SSUH2: variants seen among roughly 807,000 people sequenced by gnomAD.
SSUH2 encodes protein SSUH2 homolog.
Under a neutral mutation model 55.3 loss-of-function variants are expected in SSUH2, and 47 were observed. That is an observed-to-expected ratio of 0.85 (90% CI 0.67 to 1.08). SSUH2 has a LOEUF of 1.08. SSUH2 is among the 50% of genes least tolerant of loss of function. SSUH2 has a pLI of 0.00. For missense variants in SSUH2, 535 were observed against 490.7 expected, an observed-to-expected ratio of 1.09 and a Z score of -0.85; for synonymous variants, 212 against 191.5, an observed-to-expected ratio of 1.11 and a Z score of -0.89.
intron 3 of SSUH2, among the ~76,000 whole-genome samples, chr3:8,672,222 A>G (rs1704662040): frequency 6.6e-6 from 1 of 151,930 alleles, no homozygotes; most frequent in Admixed American, 6.6e-5. Context: ...GGTGGTGTAC[A>G]CTTTCTGCGC....
chr3:8,647,897 T>C (rs754246506), upstream of SSUH2, among the ~76,000 whole-genome samples: 13 of 152,164 alleles, frequency 8.5e-5, no homozygotes, highest in Non-Finnish European at 1.6e-4. Context: ...ATGGCAGGAA[T>C]CAAGTATGGA....
intron 6 of SSUH2, among the ~76,000 whole-genome samples, chr3:8,660,378 TTAAAA>T (rs1703356992): frequency 6.6e-6 from 1 of 152,108 alleles, no homozygotes; most frequent in Non-Finnish European, 1.5e-5. Flanking sequence ...AGGCAGAAAC[TTAAAA>T]TAAATATGCA....
chr3:8,676,561 C>T lies in SSUH2; in HGVS notation c.-753+645G>A, dbSNP rs1705299341. Among the ~76,000 whole-genome samples the T allele has an allele frequency of 1.3e-5, 2 of 151,008 alleles. 1 individual carries two copies. Among genetic ancestry groups the T allele is most frequent in the South Asian group, 4.2e-4 (2 of 4,758 alleles). ...CTTACTGCCATATTGGGAGTAATAT[C>T]AACCTCTCGGCCTCTGAATATTAGG... On this transcript the variant is annotated intron_variant, in intron 3 of 18. Coordinates refer to the SSUH2 transcript ENST00000317371.
intron 11 of SSUH2, among the ~76,000 whole-genome samples, chr3:8,620,355 G>A (rs931856821): frequency 6.6e-6 from 1 of 152,164 alleles, no homozygotes; most frequent in African/African-American, 2.4e-5. Flanking sequence ...TGCCATGTAA[G>A]ATGTGCCTTT....
chr3:8,622,057 G>A (rs539023619), intron 11 of SSUH2, among the ~76,000 whole-genome samples: 3 of 152,084 alleles, frequency 2.0e-5, no homozygotes, highest in African/African-American at 7.2e-5. Flanking sequence ...TTATCTGTCT[G>A]TGCAGCTGAG....
intron 6 of SSUH2, among the ~76,000 whole-genome samples, chr3:8,661,920 T>C (rs1703531133): frequency 6.6e-6 from 1 of 152,208 alleles, no homozygotes; most frequent in East Asian, 1.9e-4. Flanking sequence ...TGGTAGTGGA[T>C]AAGTCTCATG....
At chr3:8,672,200 C>T (rs540344259) in intron 3 of SSUH2, among the ~76,000 whole-genome samples, 6 of 152,138 alleles carry the variant, frequency 3.9e-5, no homozygotes, top group African/African-American at 1.4e-4. Flanking sequence ...ATCATGGGAA[C>T]AATATCCCTG....
intron 9 of SSUH2, among the ~76,000 whole-genome samples, chr3:8,625,919 C>T (rs1475965741): frequency 6.6e-6 from 1 of 152,230 alleles, no homozygotes; most frequent in East Asian, 1.9e-4. Context: ...TGCACGGAAG[C>T]CCTGACTGAC....
intron 1 of SSUH2, chr3:8,639,965 C>A (rs1012249995): frequency 1.0e-6 from 1 of 985,326 alleles, no homozygotes; most frequent in Non-Finnish European, 1.2e-6. Context: ...GGTGTATTGT[C>A]GATATGCACA....
At chr3:8,673,572 A>T (rs1704864110) in intron 3 of SSUH2, among the ~76,000 whole-genome samples, 1 of 152,216 alleles carries the variant, frequency 6.6e-6, no homozygotes, top group Non-Finnish European at 1.5e-5. Flanking sequence ...CCAGACTGTT[A>T]TCCAGACCCA....
Position 8,679,025 on chromosome 3 carries a change from C to T in SSUH2, c.-901+680G>A, listed in dbSNP as rs1328717274. ...ACTGAGAGCCAGCCCCTCTTCCCCCCCTGGCTCTTAGGACACCAAACGCAG... is the reference window on the plus strand; with the variant it reads ...ACTGAGAGCCAGCCCCTCTTCCCCCTCTGGCTCTTAGGACACCAAACGCAG... On this transcript the variant is annotated intron_variant, in intron 2 of 18. Coordinates refer to the SSUH2 transcript ENST00000317371. 3.6e-5 allele frequency among the ~76,000 whole-genome samples: 4 copies of T among 111,340 alleles called. 2 individuals are homozygous for T. Among genetic ancestry groups the T allele is most frequent in the Non-Finnish European group, 8.4e-5 (4 of 47,346 alleles). 73.0% of individuals were successfully genotyped at this position (111,340 alleles called of 152,430 possible).
Position 8,626,302 on chromosome 3 carries a change from TC to T in SSUH2, c.693del (p.Arg232GlufsTer102). On this transcript the variant is annotated frameshift_variant, in exon 9 of 12. Transcript: ENST00000544814. LOFTEE classifies it high-confidence loss of function. ...CAGGTGGCGCAGGTCTTGTTCCCTCTCCCTGAGCAAGTGCTGCATCTGAGAA... is the reference window on the plus strand; with the variant it reads ...CAGGTGGCGCAGGTCTTGTTCCCTCTCCTGAGCAAGTGCTGCATCTGAGAA... ...SGRRRCSTCS[G>X]RGNKTCATCK... 1 of 1,614,012 alleles carries T rather than the reference TC, an allele frequency of 6.2e-7. No homozygotes were observed. The highest frequency in any genetic ancestry group is 8.5e-7 in the Non-Finnish European group (1 of 1,179,946).
rs896123482 is a variant in SSUH2 at position 8,619,442 on chromosome 3, C to A, written c.*426G>T. 6.1e-6 allele frequency: 1 copy of A among 164,156 alleles called. No individual in the cohort carries two copies. Among genetic ancestry groups the A allele is most frequent in the Non-Finnish European group, 1.3e-5 (1 of 76,322 alleles). 10.2% of individuals were successfully genotyped at this position (164,156 alleles called of 1,614,324 possible). On this transcript the variant is annotated 3_prime_UTR_variant, in exon 12 of 12. Coordinates refer to ENST00000544814, the MANE Select transcript of SSUH2 (RefSeq NM_001256748.3). ...GTGCAGTATTTATTGTGCATTAGGG[C>A]CAGATATTTGTGTGTATCCTTGAAC...
chr3:8,664,830 T>C (rs551077841), intron 5 of SSUH2, among the ~76,000 whole-genome samples: 3 of 152,282 alleles, frequency 2.0e-5, no homozygotes, highest in East Asian at 1.9e-4. Flanking sequence ...GAAGACAACC[T>C]AAACAGGTCA....
intron 3 of SSUH2, among the ~76,000 whole-genome samples, chr3:8,676,687 A>G (rs1454224143): frequency 6.7e-6 from 1 of 148,950 alleles, no homozygotes; most frequent in Non-Finnish European, 1.5e-5. Context: ...CAGGATATTA[A>G]TAACAATTTC....
At chr3:8,661,070 A>G (rs1703433449) in intron 6 of SSUH2, among the ~76,000 whole-genome samples, 1 of 152,246 alleles carries the variant, frequency 6.6e-6, no homozygotes, top group Non-Finnish European at 1.5e-5. Context: ...TCTGGCTCTC[A>G]TGCTCTTGGA....
intron 3 of SSUH2, chr3:8,634,417 A>G: frequency 7.7e-7 from 1 of 1,290,528 alleles, no homozygotes; most frequent in Non-Finnish European, 1.0e-6. Context: ...TCTGGCCCCA[A>G]CACCTCCAAG....
rs374394243 is a variant in SSUH2, at chr3:8,676,138, C to A, written c.-753+1068G>T. Among the ~76,000 whole-genome samples the A allele has an allele frequency of 1.9e-4, 29 of 152,072 alleles. No homozygotes were observed. In the East Asian group the frequency reaches 3.9e-3, roughly 20 times the overall value. ...CTTAGGATCCACGGTGGACTCACAG[C>A]CTGTTTACCATATTGTGAGTAATAT... On this transcript the variant is annotated intron_variant, in intron 3 of 18. Coordinates refer to the SSUH2 transcript ENST00000317371.
At chr3:8,661,357 T>C (rs1338004129) in intron 6 of SSUH2, among the ~76,000 whole-genome samples, 1 of 152,230 alleles carries the variant, frequency 6.6e-6, no homozygotes, top group Non-Finnish European at 1.5e-5. Flanking sequence ...GTTTAACTTG[T>C]ATGTCATTCT....
Sources: allele counts gnomAD v4.1 joint callset (sites outside exome capture counted in the v4.1 genomes callset), GRCh38; gene constraint gnomAD v4.1.1; transcripts MANE v1.5; gene names NCBI Gene and HGNC (gene_info 2026-07-23, HGNC 2026-07-21).